The following VPS13C variants were observed in gnomAD, a reference collection of about 807,000 sequenced individuals.
VPS13C encodes vacuolar protein sorting 13 homolog C.
In VPS13C, 358 loss-of-function variants were observed where a neutral mutation model predicts 456.8. The observed-to-expected ratio is 0.78, with a 90% CI of 0.72 to 0.86. The LOEUF (loss-of-function observed/expected upper bound fraction) is 0.86. Ranked by LOEUF, VPS13C falls within the 40% of genes least tolerant of loss-of-function variation. VPS13C has a pLI of 0.00. For missense variants in VPS13C, 4,818 were observed against 4,385.4 expected (o/e 1.10, Z -2.79); for synonymous variants, 1,578 against 1,486.7 (o/e 1.06, Z -1.41).
chr15:61,972,474 G>T, intron 27 of VPS13C, 151 bp downstream of exon 27: 1 of 627,944 alleles, frequency 1.6e-6, no homozygotes, highest in Non-Finnish European at 2.6e-6. Flanking sequence ...GAAAGAGTGT[G>T]TGTGAGAGTG....
intron 16 of VPS13C, 108 bp from the exon 17 acceptor site, chr15:61,991,910 G>A (rs765596978): frequency 1.5e-5 from 17 of 1,157,482 alleles, no homozygotes; most frequent in African/African-American, 4.8e-5. Flanking sequence ...TTAACGCTAC[G>A]TAACATTGCA....
chr15:62,041,253 G>T, intron 3 of VPS13C, 71 bp downstream of exon 3: 5 of 1,504,024 alleles, frequency 3.3e-6, no homozygotes, highest in Non-Finnish European at 4.5e-6. Context: ...GATTTTTTTA[G>T]GTTAAATAAC....
intron 20 of VPS13C, among the ~76,000 whole-genome samples, chr15:61,983,256 C>T (rs1039059850): frequency 1.3e-5 from 2 of 152,066 alleles, no homozygotes; most frequent in Non-Finnish European, 1.5e-5. Flanking sequence ...CAAGGTGGGG[C>T]GAACCTACAA....
Position 62,007,424 on chromosome 15 carries a change from T to A in VPS13C, c.1174A>T (p.Met392Leu), listed in dbSNP as rs373392435. The change falls in exon 15 of 85, where the codon ATG becomes TTG. Residue 392 changes from methionine to leucine, a missense_variant. Transcript: ENST00000644861. ...TTTTTTATGTTACTCCATGACCACA[T>A]CTGTGTATACCTTCTTATATGAACT... The part of the protein sequence containing the change: ...LEVHIRRYTQ[M>L]WSWSNIKKHR... 21 of 1,612,728 alleles carry A rather than the reference T, an allele frequency of 1.3e-5. No homozygotes were observed. Among genetic ancestry groups the A allele is most frequent in the Non-Finnish European group, 1.8e-5 (21 of 1,179,536 alleles).
chr15:61,878,669 A>T lies in VPS13C; in HGVS notation c.10080T>A (p.Ser3360=). ...CTATGCTTTTCAACAGCAAGTTGAC[A>T]GAATGAACTGCAAACATTTCCTGTT... ...KEKQEMFAVH[S]VNLLLKSIGA... The change falls in exon 74 of 85, where the codon TCT becomes TCA. Residue 3360 remains serine (S), a synonymous_variant. Coordinates refer to ENST00000644861, the MANE Select transcript of VPS13C (RefSeq NM_020821.3). 1 of 1,611,896 alleles carries T rather than the reference A, an allele frequency of 6.2e-7. No individual in the cohort carries two copies. The highest frequency in any genetic ancestry group is 8.5e-7 in the Non-Finnish European group (1 of 1,178,898).
chr15:61,971,352 C>T (rs1475890979), intron 27 of VPS13C, among the ~76,000 whole-genome samples: 1 of 152,156 alleles, frequency 6.6e-6, no homozygotes, highest in Non-Finnish European at 1.5e-5. Context: ...ACCTTTACCT[C>T]CCAGGTTCAA....
chr15:61,873,165 G>A, intron 78 of VPS13C, 81 bp downstream of exon 78: 2 of 1,573,114 alleles, frequency 1.3e-6, no homozygotes, highest in Non-Finnish European at 1.7e-6. Flanking sequence ...CTCATAAGCA[G>A]CATTCTAAGT....
In VPS13C at chr15:62,000,642, G is replaced by A. The variant is rs1280048361; in HGVS notation, c.1291-16C>T. The A allele has an allele frequency of 6.3e-6, 10 of 1,583,822 alleles. No homozygotes were observed. The highest frequency in any genetic ancestry group is 1.2e-5 in the South Asian group (1 of 83,270). The stretch of plus-strand genomic sequence containing the variant: ...TCTCCAAGTCCTGTAAAAAACAGAG[G>A]CACTTATAAACAAGAAATTTAATCA... On this transcript the variant is annotated splice_polypyrimidine_tract_variant and intron_variant, in intron 15 of 84. Coordinates refer to ENST00000644861, the MANE Select transcript of VPS13C (RefSeq NM_020821.3).
At chr15:61,948,683 C>T (rs1196333075) in intron 42 of VPS13C, among the ~76,000 whole-genome samples, 1 of 129,998 alleles carries the variant, frequency 7.7e-6, no homozygotes, top group Non-Finnish European at 1.7e-5. Context: ...AATTCCGTCT[C>T]AAAAAAAAAA....
Position 61,858,965 on chromosome 15 carries a change from T to C in VPS13C, c.10953-2556A>G, listed in dbSNP as rs992573558. On this transcript the variant is annotated intron_variant, in intron 82 of 84. Coordinates refer to ENST00000644861, the MANE Select transcript of VPS13C (RefSeq NM_020821.3). The surrounding 1 kb of genome is among the most constrained non-coding windows in gnomAD (Gnocchi z 4.4). ...CAAACCGCCAAGGATCTTTTAAAAC[T>C]ACAAGCCTCATCATATTACTTGTTT... Among the ~76,000 whole-genome samples the C allele has an allele frequency of 1.3e-5, 2 of 152,216 alleles. No homozygotes were observed. The highest frequency in any genetic ancestry group is 4.8e-5 in the African/African-American group (2 of 41,464).
chr15:62,003,615 C>T (rs975043530), intron 15 of VPS13C, among the ~76,000 whole-genome samples: 21 of 152,020 alleles, frequency 1.4e-4, no homozygotes, highest in Non-Finnish European at 2.8e-4. Context: ...AAAGGGAATG[C>T]TTCCAGTTTT....
intron 4 of VPS13C, among the ~76,000 whole-genome samples, chr15:62,034,168 T>G (rs147540961): frequency 2.0e-5 from 3 of 151,634 alleles, no homozygotes; most frequent in South Asian, 4.1e-4. Context: ...TAGCCCACAA[T>G]AGAATACCAT....
intron 66 of VPS13C, among the ~76,000 whole-genome samples, chr15:61,892,894 G>C (rs1488413468): frequency 1.3e-5 from 2 of 152,158 alleles, no homozygotes; most frequent in Non-Finnish European, 2.9e-5. Context: ...ATCAAGTAGA[G>C]GATGGAATCA....
At position 61,959,553 on chromosome 15, in the gene VPS13C, C is replaced by A. The variant is rs543060595; in HGVS notation, c.3951G>T (p.Leu1317=). 7 of 1,612,938 alleles carry A rather than the reference C, an allele frequency of 4.3e-6. No individual in the cohort carries two copies. Among genetic ancestry groups the A allele is most frequent in the Admixed American group, 1.7e-5 (1 of 59,940 alleles). ...QPGIYHPDIQ[L]LHPINLEFLV... is the part of the protein sequence containing the mutation. ...GAAATTCCAAGTTAATTGGGTGCAA[C>A]AGCTGAATATCAGGATGGTAGATGC... The change falls in exon 36 of 85, where the codon CTG becomes CTT. Residue 1317 remains leucine, a synonymous_variant. Transcript: ENST00000644861.
At position 62,013,074 on chromosome 15, in the gene VPS13C, T is replaced by A. The variant is rs748393538; in HGVS notation, c.790A>T (p.Ser264Cys). ...TCCCTTGATCTCTGGTAAGACATGC[T>A]GCAATTTACATTCCAGTAGGCGCTA... The part of the protein sequence containing the change: ...SLSAYWNVNC[S>C]MSYQRSREQI... Residue 264 changes from serine (S) to cysteine (C), a missense_variant, in exon 11 of 85, where the codon AGC becomes TGC. Around this residue, in one of 3 missense-constraint regions of VPS13C, gnomAD observed 4,552 missense variants for 4,130.6 expected, o/e 1.10. Coordinates refer to ENST00000644861, the MANE Select transcript of VPS13C (RefSeq NM_020821.3). 6.2e-7 allele frequency: 1 copy of A among 1,611,302 alleles called. No individual in the cohort carries two copies. The highest frequency in any genetic ancestry group is 1.1e-5 in the South Asian group (1 of 90,758).
chr15:61,945,828 C>G lies in VPS13C; in HGVS notation c.5035G>C (p.Asp1679His), dbSNP rs1220467297. The G allele has an allele frequency of 6.2e-7, 1 of 1,613,118 alleles. No homozygotes were observed. Among genetic ancestry groups the G allele is most frequent in the East Asian group, 2.2e-5 (1 of 44,802 alleles). The change falls in exon 45 of 85, where the codon GAT becomes CAT. Residue 1679 changes from aspartate to histidine, a missense_variant. Physicochemically the swap from Asp to His is moderately conservative, Grantham distance 81. This residue lies in a region of VPS13C where 4,552 missense variants were observed against 4,130.6 expected (regional missense o/e 1.10). Coordinates refer to ENST00000644861, the MANE Select transcript of VPS13C (RefSeq NM_020821.3). ...GCATAGGCCTCTCCTTCTGTGGCATCTGGATAAAGAGTCAGTTGGAACCTA... is the reference window on the plus strand; with the variant it reads ...GCATAGGCCTCTCCTTCTGTGGCATGTGGATAAAGAGTCAGTTGGAACCTA... ...VFRFQLTLYP[D>H]ATEGEAYADM...
At chr15:61,893,819 T>C (rs951989593) in intron 66 of VPS13C, among the ~76,000 whole-genome samples, 1 of 152,214 alleles carries the variant, frequency 6.6e-6, no homozygotes, top group African/African-American at 2.4e-5. Flanking sequence ...AAAGTTAAGT[T>C]GTCATTTGTT....
chr15:61,961,410 C>T (rs981167800), intron 35 of VPS13C, among the ~76,000 whole-genome samples, 179 bp downstream of exon 35: 1 of 128,856 alleles, frequency 7.8e-6, no homozygotes, highest in Non-Finnish European at 1.6e-5. Flanking sequence ...CACACACACA[C>T]ACACACACAC....
In VPS13C at chr15:61,929,522, C is replaced by T. The variant is rs774853205; in HGVS notation, c.6265G>A (p.Gly2089Arg). 2 of 1,613,978 alleles carry T rather than the reference C, an allele frequency of 1.2e-6. No homozygotes were observed. The highest frequency in any genetic ancestry group is 1.1e-5 in the South Asian group (1 of 91,070). Reference sequence around the variant, plus strand: ...TAACCTTTCTCTATCTTGACCTTCCCTGTGGCAGTCTGTCTTGGTAAAATC... The same window carrying T: ...TAACCTTTCTCTATCTTGACCTTCCTTGTGGCAGTCTGTCTTGGTAAAATC... ...TQILPRQTAT[G>R]KVKIEKDDSV... The change falls in exon 51 of 85, where the codon GGG becomes AGG. Residue 2089 changes from glycine to arginine, a missense_variant. Physicochemically the swap from Gly to Arg is moderately radical, Grantham distance 125 (BLOSUM62 -2). This residue lies in a region of VPS13C where 4,552 missense variants were observed against 4,130.6 expected (regional missense o/e 1.10). Transcript: ENST00000644861.
Sources: gnomAD v4.1 joint callset for allele counts (sites outside exome capture counted in the v4.1 genomes callset) on GRCh38, gnomAD v4.1.1 for gene constraint, gnomAD v4.1.1 regional missense constraint, Gnocchi (gnomAD v3.1) non-coding constraint, MANE v1.5 for transcripts, NCBI Gene and HGNC (gene_info 2026-07-23, HGNC 2026-07-21) for gene names.